RABGAP1L: variants seen among roughly 807,000 people sequenced by gnomAD.
The protein encoded by RABGAP1L is RAB GTPase activating protein 1 like, also known as rab GTPase-activating protein 1-like.
Under a neutral mutation model 137.7 loss-of-function variants are expected in RABGAP1L, and 63 were observed. That is an observed-to-expected ratio of 0.46 (90% CI 0.37 to 0.56). The LOEUF is 0.56. RABGAP1L is among the 20% of genes least tolerant of loss of function. The pLI is 0.00. For missense variants in RABGAP1L, 1,095 were observed against 1,244.0 expected (o/e 0.88, Z 1.80); for synonymous variants, 431 against 433.7 (o/e 0.99, Z 0.08).
intron 17 of RABGAP1L, among the ~76,000 whole-genome samples, chr1:174,711,304 G>A (rs1287791982): frequency 6.6e-6 from 1 of 152,174 alleles, no homozygotes. Context: ...GCGGTGGGCT[G>A]AAGGGCTCCT....
intron 13 of RABGAP1L, among the ~76,000 whole-genome samples, chr1:174,575,306 C>T (rs1399932250): frequency 6.6e-6 from 1 of 152,078 alleles, no homozygotes; most frequent in Non-Finnish European, 1.5e-5. Context: ...AAAAACATAC[C>T]ATTTTCCAAA....
chr1:174,167,232 TGTTA>T (rs1664988379), intron 1 of RABGAP1L, among the ~76,000 whole-genome samples: 1 of 152,234 alleles, frequency 6.6e-6, no homozygotes, highest in African/African-American at 2.4e-5. Flanking sequence ...TTTTGAGGCA[TGTTA>T]GTTTTCACGA....
At chr1:174,466,328 C>T (rs1657292442) in intron 13 of RABGAP1L, among the ~76,000 whole-genome samples, 1 of 152,170 alleles carries the variant, frequency 6.6e-6, no homozygotes, top group South Asian at 2.1e-4. Flanking sequence ...AGTACCTAGG[C>T]AAAACTTAGT....
rs150917972 is a variant in RABGAP1L, at chr1:174,469,797, T to C, written c.1710+75652T>C. ...ATCAAAATTGCTCACTAGACCAATA[T>C]TGAAAGCAGACAAAATGGCACTCAG... On this transcript the variant is annotated intron_variant, in intron 13 of 25. Coordinates refer to ENST00000681986, the MANE Select transcript of RABGAP1L (RefSeq NM_001366446.1). 1.6e-4 allele frequency among the ~76,000 whole-genome samples: 25 copies of C among 152,208 alleles called. No individual in the cohort carries two copies. The East Asian group carries it at 4.6e-3, about 28-fold the overall frequency.
At chr1:174,597,715 C>G (rs549074287) in intron 13 of RABGAP1L, among the ~76,000 whole-genome samples, 2 of 151,894 alleles carry the variant, frequency 1.3e-5, no homozygotes, top group African/African-American at 2.4e-5. Flanking sequence ...TTCTTTTTCT[C>G]TTTCCAATTT....
At chr1:174,712,230 C>T (rs1001779934) in intron 17 of RABGAP1L, among the ~76,000 whole-genome samples, 13 of 152,134 alleles carry the variant, frequency 8.5e-5, no homozygotes, top group Non-Finnish European at 1.8e-4. Flanking sequence ...GCAGGCTGCC[C>T]GAGCAGTCAC....
At chr1:174,765,235 T>A (rs936695629) in intron 18 of RABGAP1L, among the ~76,000 whole-genome samples, 2 of 152,212 alleles carry the variant, frequency 1.3e-5, no homozygotes, top group African/African-American at 4.8e-5. Context: ...AGTGACATCT[T>A]GTTATGTTTT....
At chr1:174,367,978 A>G (rs7536987) in intron 11 of RABGAP1L, 59,488 of 153,202 alleles carry the variant, frequency 0.39, 14,589 homozygotes, top group African/African-American at 0.7. Flanking sequence ...TGTTGCTGCG[A>G]GCTTTCAGCA....
intron 13 of RABGAP1L, among the ~76,000 whole-genome samples, chr1:174,413,981 C>G (rs1178706447): frequency 6.6e-6 from 1 of 152,080 alleles, no homozygotes; most frequent in Non-Finnish European, 1.5e-5. Flanking sequence ...CCCACACGTC[C>G]CCTGATGGCA....
intron 12 of RABGAP1L, among the ~76,000 whole-genome samples, chr1:174,383,060 C>G (rs1686323937): frequency 6.6e-6 from 1 of 151,176 alleles, no homozygotes; most frequent in South Asian, 2.1e-4. Flanking sequence ...TGTGAGGTGT[C>G]AGTGTGCCCC....
chr1:174,341,309 CT>C (rs1681952895), intron 11 of RABGAP1L, among the ~76,000 whole-genome samples: 1 of 152,150 alleles, frequency 6.6e-6, no homozygotes, highest in Non-Finnish European at 1.5e-5. Context: ...TATGATGCAT[CT>C]TTGCCATGCT....
chr1:174,700,384 G>C (rs773533065), intron 16 of RABGAP1L: 4 of 152,230 alleles, frequency 2.6e-5, no homozygotes, highest in Non-Finnish European at 5.9e-5. Context: ...AGAGAAATGT[G>C]AAGGAGATAC....
chr1:174,446,623 T>A (rs1336197921), intron 13 of RABGAP1L, among the ~76,000 whole-genome samples: 2 of 152,192 alleles, frequency 1.3e-5, no homozygotes, highest in Non-Finnish European at 2.9e-5. Flanking sequence ...GGATTTAAAG[T>A]TCATCTTGAT....
intron 18 of RABGAP1L, among the ~76,000 whole-genome samples, chr1:174,808,878 A>G (rs1573302719): frequency 6.6e-6 from 1 of 151,984 alleles, no homozygotes; most frequent in Non-Finnish European, 1.5e-5. Flanking sequence ...GCTGATCTGG[A>G]ACCCCTGACC....
intron 14 of RABGAP1L, among the ~76,000 whole-genome samples, chr1:174,650,671 G>A (rs963766640): frequency 4.0e-5 from 6 of 151,228 alleles, no homozygotes; most frequent in East Asian, 3.9e-4. Flanking sequence ...CTGTGGGATC[G>A]GTGGTGATAT....
At chr1:174,487,441 C>T (rs1659781706) in intron 13 of RABGAP1L, among the ~76,000 whole-genome samples, 1 of 152,112 alleles carries the variant, frequency 6.6e-6, no homozygotes, top group South Asian at 2.1e-4. Flanking sequence ...AGAACTATAA[C>T]TACTCCTACT....
chr1:174,276,681 G>A (rs1362484940), intron 9 of RABGAP1L, among the ~76,000 whole-genome samples: 1 of 151,954 alleles, frequency 6.6e-6, no homozygotes, highest in African/African-American at 2.4e-5. Context: ...CGGGATGCTT[G>A]TAATATATAT....
At chr1:174,865,594 A>G (rs1651066472) in intron 19 of RABGAP1L, among the ~76,000 whole-genome samples, 2 of 151,790 alleles carry the variant, frequency 1.3e-5, no homozygotes, top group African/African-American at 4.8e-5. Flanking sequence ...TTTTGTTTTA[A>G]TGGAGTATCT....
At chr1:174,622,370 C>G (rs930540840) in intron 13 of RABGAP1L, among the ~76,000 whole-genome samples, 6 of 152,130 alleles carry the variant, frequency 3.9e-5, no homozygotes, top group Admixed American at 3.9e-4. Flanking sequence ...ACCCAAAGGA[C>G]TATAAATCAT....
Sources: gnomAD v4.1 joint callset for allele counts (sites outside exome capture counted in the v4.1 genomes callset) on GRCh38, gnomAD v4.1.1 for gene constraint, MANE v1.5 for transcripts, NCBI Gene and HGNC (gene_info 2026-07-23, HGNC 2026-07-21) for gene names.